DENND1B: variants seen among roughly 807,000 people sequenced by gnomAD.
The protein encoded by DENND1B is DENN domain-containing protein 1B.
In DENND1B, 59 loss-of-function variants were observed where a neutral mutation model predicts 90.1. The ratio of observed to expected loss-of-function variants is 0.65; its 90% CI spans 0.53 to 0.81. DENND1B has a LOEUF of 0.81. Ranked by LOEUF, DENND1B falls within the 40% of genes least tolerant of loss-of-function variation. DENND1B has a pLI of 0.00. For synonymous variants in DENND1B, 337 were observed against 324.6 expected, an observed-to-expected ratio of 1.04 and a Z score of -0.41; for missense variants, 862 against 912.6, an observed-to-expected ratio of 0.94 and a Z score of 0.71.
intron 9 of DENND1B, among the ~76,000 whole-genome samples, chr1:197,644,542 G>GGTCA (rs1680562014): frequency 6.6e-6 from 1 of 152,156 alleles, no homozygotes; most frequent in African/African-American, 2.4e-5. Flanking sequence ...GTCAAGACAT[G>GGTCA]GTCAGTCAGC....
chr1:197,648,411 A>AT (rs1046612199), intron 7 of DENND1B, among the ~76,000 whole-genome samples: 1 of 152,162 alleles, frequency 6.6e-6, no homozygotes, highest in African/African-American at 2.4e-5. Context: ...GTTCTTATTA[A>AT]TAAAGATGAA....
upstream of DENND1B, among the ~76,000 whole-genome samples, chr1:197,777,085 T>C (rs1489234091): frequency 6.6e-6 from 1 of 151,678 alleles, no homozygotes; most frequent in Non-Finnish European, 1.5e-5. Context: ...TAAGTGACCA[T>C]ACTCCAAAGC....
rs983551418 is a variant in DENND1B at position 197,508,421 on chromosome 1, C to T, written c.*2039G>A. ...GCAAAATTTGACAAGAACCTTGAGA[C>T]TTCTGTATTAAAAAATAAGGATTAA... On this transcript the variant is annotated 3_prime_UTR_variant, in exon 23 of 23. Transcript: ENST00000620048. 2.6e-5 allele frequency: 4 copies of T among 151,602 alleles called. No individual in the cohort carries two copies. Among genetic ancestry groups the T allele is most frequent in the Non-Finnish European group, 5.9e-5 (4 of 67,766 alleles). 9.4% of individuals were successfully genotyped at this position (151,602 alleles called of 1,614,324 possible). A position where few individuals can be genotyped will look rare whatever the true frequency, so the allele number is the denominator to read the frequency against.
In DENND1B at chr1:197,757,640, A is replaced by T. The variant is rs1654479366; in HGVS notation, c.82+15228T>A. 9.2e-5 allele frequency among the ~76,000 whole-genome samples: 14 copies of T among 152,200 alleles called. 1 individual carries two copies. The South Asian group carries it at 2.9e-3, about 31-fold the overall frequency. On this transcript the variant is annotated intron_variant, in intron 2 of 22. Transcript: ENST00000620048. The stretch of plus-strand genomic sequence containing the variant: ...CATCAACATTATTAAATTACCTATA[A>T]AAAGGAGATTTATATCAATGATATA...
intron 20 of DENND1B, among the ~76,000 whole-genome samples, chr1:197,526,031 TTAAGA>T (rs1309118595): frequency 3.9e-5 from 6 of 152,094 alleles, no homozygotes; most frequent in African/African-American, 1.4e-4. Context: ...ACAGGCCAAC[TTAAGA>T]TATTTATGTA....
intron 2 of DENND1B, among the ~76,000 whole-genome samples, chr1:197,722,483 T>A (rs906672592): frequency 3.3e-5 from 5 of 152,134 alleles, no homozygotes; most frequent in African/African-American, 1.2e-4. Context: ...CATCCACAAG[T>A]CTAAAAGTTT....
Position 197,511,847 on chromosome 1 carries a change from C to T in DENND1B, c.1696G>A (p.Asp566Asn), listed in dbSNP as rs1294157670. The stretch of plus-strand genomic sequence containing the variant: ...GTATCAAGAATCTCTCCTAGTAAGT[C>T]CATTTCACCTGAGTAAGGAGTCTTC... ...RVKTPYSGEM[D>N]LLGEILDTLS... The change falls in exon 22 of 23, where the codon GAC becomes AAC. Residue 566 changes from aspartate (D) to asparagine (N), a missense_variant. By Grantham distance (23) the Asp-to-Asn change is conservative (BLOSUM62 1). Coordinates refer to ENST00000620048, the MANE Select transcript of DENND1B (RefSeq NM_001195215.2). 4 of 1,611,504 alleles carry T rather than the reference C, an allele frequency of 2.5e-6. No individual in the cohort carries two copies. Among genetic ancestry groups the T allele is most frequent in the Non-Finnish European group, 3.4e-6 (4 of 1,178,362 alleles).
chr1:197,775,234 C>A lies in DENND1B; in HGVS notation c.-79G>T. ...GCCCGCAGCCCGGCCGCGCGAGGGT[C>A]GCGCCGTCCCCGCCCACGCCGGCGG... is the stretch of plus-strand genomic sequence containing the variant. On this transcript the variant is annotated 5_prime_UTR_variant, in exon 1 of 23. Coordinates refer to ENST00000620048, the MANE Select transcript of DENND1B (RefSeq NM_001195215.2). 1 of 1,135,884 alleles carries A rather than the reference C, an allele frequency of 8.8e-7. No homozygotes were observed. Among genetic ancestry groups the A allele is most frequent in the South Asian group, 4.3e-5 (1 of 23,120 alleles). 70.4% of individuals were successfully genotyped at this position (1,135,884 alleles called of 1,614,324 possible). A position where few individuals can be genotyped will look rare whatever the true frequency, so the allele number is the denominator to read the frequency against.
At chr1:197,514,710 C>T (rs1355701137) in intron 20 of DENND1B, among the ~76,000 whole-genome samples, 1 of 151,312 alleles carries the variant, frequency 6.6e-6, no homozygotes, top group Non-Finnish European at 1.5e-5. Flanking sequence ...TTGAAATTTT[C>T]AAAATAAAGT....
intron 10 of DENND1B, among the ~76,000 whole-genome samples, chr1:197,625,177 T>A (rs934300322): frequency 2.6e-5 from 4 of 151,578 alleles, no homozygotes; most frequent in Non-Finnish European, 4.4e-5. Context: ...CACAAAGATA[T>A]GCCTCGAGAA....
At chr1:197,555,312 T>C (rs1005300734) in intron 15 of DENND1B, among the ~76,000 whole-genome samples, 2 of 152,074 alleles carry the variant, frequency 1.3e-5, no homozygotes, top group African/African-American at 2.4e-5. Flanking sequence ...AAATAACCTA[T>C]GACTAAGTCT....
rs1214220542 is a variant in DENND1B, at chr1:197,511,727, C to T, written c.1815+1G>A. 1 of 1,592,290 alleles carries T rather than the reference C, an allele frequency of 6.3e-7. No homozygotes were observed. The highest frequency in any genetic ancestry group is 2.2e-5 in the East Asian group (1 of 44,604). On this transcript the variant is annotated splice_donor_variant, in intron 22 of 22. Coordinates refer to ENST00000620048, the MANE Select transcript of DENND1B (RefSeq NM_001195215.2). LOFTEE classifies it high-confidence loss of function. ...TTATAAGTAAAAAAAAATCTACTAA[C>T]CGTAGGTTTGTAATCAATGTCATCC...
chr1:197,774,946 G>A (rs1571713214), intron 1 of DENND1B, among the ~76,000 whole-genome samples, 193 bp downstream of exon 1: 1 of 152,098 alleles, frequency 6.6e-6, no homozygotes, highest in East Asian at 1.9e-4. Context: ...CGCAGGGCGG[G>A]CAGGCTTTGC....
At chr1:197,624,795 G>T (rs1314861185) in intron 10 of DENND1B, among the ~76,000 whole-genome samples, 1 of 151,848 alleles carries the variant, frequency 6.6e-6, no homozygotes, top group African/African-American at 2.4e-5. Flanking sequence ...TGTATAACTA[G>T]AATAACCAAT....
intron 3 of DENND1B, among the ~76,000 whole-genome samples, chr1:197,702,511 T>C (rs1196242748): frequency 6.6e-6 from 1 of 152,202 alleles, no homozygotes; most frequent in Non-Finnish European, 1.5e-5. Context: ...TACTTGAATA[T>C]AATTTCCAAA....
intron 3 of DENND1B, among the ~76,000 whole-genome samples, chr1:197,701,807 A>C (rs1033285170): frequency 4.6e-5 from 7 of 152,160 alleles, no homozygotes; most frequent in Non-Finnish European, 1.0e-4. Flanking sequence ...TTTGTTTAAA[A>C]TTTGGTAAAA....
chr1:197,714,046 G>A (rs188475864), intron 3 of DENND1B, among the ~76,000 whole-genome samples: 1,694 of 71,162 alleles, frequency 0.024, 34 homozygotes, highest in African/African-American at 0.077. Context: ...GCACGATCTC[G>A]GCTCACTGCA....
chr1:197,623,096 A>C (rs990740520), intron 10 of DENND1B, among the ~76,000 whole-genome samples: 5 of 151,354 alleles, frequency 3.3e-5, no homozygotes, highest in African/African-American at 1.2e-4. Flanking sequence ...TCTTTTGTAG[A>C]AATCCTACAC....
chr1:197,770,943 A>G (rs1475381859), intron 2 of DENND1B, among the ~76,000 whole-genome samples: 1 of 144,200 alleles, frequency 6.9e-6, no homozygotes, highest in African/African-American at 2.6e-5. Context: ...ACAGAGTCTC[A>G]CTTGGTCACC....
Sources: gnomAD v4.1 joint callset for allele counts (sites outside exome capture counted in the v4.1 genomes callset) on GRCh38, gnomAD v4.1.1 for gene constraint, MANE v1.5 for transcripts, NCBI Gene and HGNC (gene_info 2026-07-23, HGNC 2026-07-21) for gene names.